Variants in PRPF18 observed in about 807,000 individuals in gnomAD.
PRPF18 encodes pre-mRNA processing factor 18.
In PRPF18, 38 loss-of-function variants were observed where a neutral mutation model predicts 46.5. The ratio of observed to expected loss-of-function variants is 0.82; its 90% confidence interval spans 0.63 to 1.07. The LOEUF (loss-of-function observed/expected upper bound fraction) is 1.07. PRPF18 is among the 50% of genes least tolerant of loss of function. PRPF18 has a pLI of 0.00. For missense variants in PRPF18, 263 were observed against 410.0 expected (o/e 0.64, Z 3.10); for synonymous variants, 152 against 146.7 (o/e 1.04, Z -0.26).
At chr10:13,587,892 A>C (rs1169931363) in intron 1 of PRPF18, among the ~76,000 whole-genome samples, 1 of 151,964 alleles carries the variant, frequency 6.6e-6, no homozygotes, top group Non-Finnish European at 1.5e-5. Flanking sequence ...GGCAACTTAC[A>C]CTCACGGCCT....
At chr10:13,599,632 G>A (rs1564452300) in intron 2 of PRPF18, among the ~76,000 whole-genome samples, 2 of 152,202 alleles carry the variant, frequency 1.3e-5, no homozygotes, top group African/African-American at 2.4e-5. Flanking sequence ...CCTGGGTGGC[G>A]TTAGTAGACA....
the PRPF18 span, chr10:13,651,581 G>GAGAATCGCTTGAACC: frequency 3.7e-6 from 1 of 269,796 alleles, no homozygotes; most frequent in African/African-American, 2.2e-5. Context: ...AGGGAGCCAG[G>GAGAATCGCTTGAACC]AGAATCGCTT....
At chr10:13,651,742 A>C in the PRPF18 span, 3 of 620,404 alleles carry the variant, frequency 4.8e-6, no homozygotes, top group African/African-American at 3.7e-5. Flanking sequence ...TGATGTAAGA[A>C]CCTTCAGCTA....
downstream of PRPF18, among the ~76,000 whole-genome samples, chr10:13,634,788 T>A (rs2080621886): frequency 6.6e-6 from 1 of 152,250 alleles, no homozygotes; most frequent in Non-Finnish European, 1.5e-5. Context: ...CTGTTGTGTT[T>A]CTTTTTAAAA....
chr10:13,654,528 G>C, the PRPF18 span: 62 of 1,534,494 alleles, frequency 4.0e-5, no homozygotes, highest in East Asian at 1.4e-3. Context: ...TGCAGGTGGT[G>C]CAAGAAAGGC....
chr10:13,591,278 A>C (rs1415691878), intron 1 of PRPF18, among the ~76,000 whole-genome samples: 3 of 152,252 alleles, frequency 2.0e-5, no homozygotes, highest in Non-Finnish European at 4.4e-5. Flanking sequence ...AGTGTCTGTC[A>C]GTAACTTACA....
At chr10:13,602,477 T>C (rs2080126208) in intron 3 of PRPF18, among the ~76,000 whole-genome samples, 1 of 151,928 alleles carries the variant, frequency 6.6e-6, no homozygotes, top group Admixed American at 6.6e-5. Flanking sequence ...AAGTTTTACA[T>C]TTTTATACGA....
At chr10:13,590,132 C>T (rs924379428) in intron 1 of PRPF18, among the ~76,000 whole-genome samples, 6 of 139,568 alleles carry the variant, frequency 4.3e-5, no homozygotes, top group Admixed American at 2.1e-4. Flanking sequence ...AAAAAAAAAA[C>T]TTTAGATTCT....
intron 9 of PRPF18, among the ~76,000 whole-genome samples, chr10:13,625,492 A>C (rs2080489121): frequency 6.6e-6 from 1 of 152,238 alleles, no homozygotes; most frequent in Non-Finnish European, 1.5e-5. Flanking sequence ...AAAGCAGGAA[A>C]GGTAAGAAAA....
chr10:13,619,504 C>T (rs527660505), intron 9 of PRPF18, among the ~76,000 whole-genome samples: 7 of 152,210 alleles, frequency 4.6e-5, no homozygotes, highest in Non-Finnish European at 1.0e-4. Flanking sequence ...CCAGAGTCCT[C>T]TCATTCTTTT....
At chr10:13,603,740 G>T (rs78990537) in intron 3 of PRPF18, among the ~76,000 whole-genome samples, 1 of 152,076 alleles carries the variant, frequency 6.6e-6, no homozygotes, top group Admixed American at 6.6e-5. Flanking sequence ...TGTACTTCTC[G>T]CAAGTTGACA....
intron 4 of PRPF18, among the ~76,000 whole-genome samples, chr10:13,609,705 G>A (rs1314578603): frequency 6.6e-6 from 1 of 152,202 alleles, no homozygotes; most frequent in Non-Finnish European, 1.5e-5. Flanking sequence ...GGACTCTAAT[G>A]GAGACCTGCC....
chr10:13,635,354 A>G (rs114002235), downstream of PRPF18, among the ~76,000 whole-genome samples: 952 of 152,286 alleles, frequency 6.3e-3, 13 homozygotes, highest in African/African-American at 0.021. Flanking sequence ...CGCAGTGAAC[A>G]TACATGTGAG....
rs946646083 is a variant in PRPF18, at chr10:13,600,267, G to C, written c.168G>C (p.Gln56His). The C allele has an allele frequency of 1.2e-6, 2 of 1,610,922 alleles. No individual in the cohort carries two copies. Among genetic ancestry groups the C allele is most frequent in the Admixed American group, 3.4e-5 (2 of 59,670 alleles). ...GYKIQPKEED[Q>H]KPLTSSNPVL... Reference sequence around the variant, plus strand: ...AGATACAGCCAAAAGAGGAGGACCAGAAACCATTAACTTCATCGAATCCAG... The same window carrying C: ...AGATACAGCCAAAAGAGGAGGACCACAAACCATTAACTTCATCGAATCCAG... Residue 56 changes from glutamine to histidine, a missense_variant, in exon 3 of 10, where the codon CAG (glutamine) becomes CAC (histidine). Physicochemically the swap from Gln to His is conservative, Grantham distance 24. This residue lies in a region of PRPF18 where 71 missense variants were observed against 69.2 expected (regional missense o/e 1.03). Coordinates refer to ENST00000378572, the MANE Select transcript of PRPF18 (RefSeq NM_003675.4).
chr10:13,623,667 T>C (rs990369073), intron 9 of PRPF18, among the ~76,000 whole-genome samples: 1 of 147,698 alleles, frequency 6.8e-6, no homozygotes, highest in African/African-American at 2.5e-5. Context: ...AAGAGGCAAA[T>C]CAAGGCAAAG....
At position 13,621,210 on chromosome 10, in the gene PRPF18, C is replaced by A. The variant is rs544980090; in HGVS notation, c.948+4657C>A. Among the ~76,000 whole-genome samples, 6 of 152,284 alleles carry A rather than the reference C, an allele frequency of 3.9e-5. No homozygotes were observed. In the South Asian group the frequency reaches 8.3e-4, roughly 21 times the overall value. ...TGAAATGCATGTCAAAGAGCTGTTG[C>A]CCTACCAGAGCTACTCTTATCCTTC... On this transcript the variant is annotated intron_variant, in intron 9 of 9. Coordinates refer to ENST00000378572, the MANE Select transcript of PRPF18 (RefSeq NM_003675.4).
intron 9 of PRPF18, among the ~76,000 whole-genome samples, chr10:13,617,260 A>T (rs1360682738): frequency 6.6e-6 from 1 of 152,244 alleles, no homozygotes; most frequent in African/African-American, 2.4e-5. Context: ...TTAAAATTTG[A>T]AGTTCACTTA....
intron 1 of PRPF18, among the ~76,000 whole-genome samples, chr10:13,589,801 G>A (rs76881537): frequency 0.013 from 2,010 of 152,274 alleles, 44 homozygotes; most frequent in African/African-American, 0.044. Flanking sequence ...CAAATTTCAT[G>A]ATCATTGAAA....
At chr10:13,591,858 T>C in intron 1 of PRPF18, 1 of 1,428,370 alleles carries the variant, frequency 7.0e-7, no homozygotes, top group South Asian at 1.1e-5. Context: ...CTCTGTGGAA[T>C]CCAGTGAGGA....
Sources: allele counts gnomAD v4.1 joint callset (sites outside exome capture counted in the v4.1 genomes callset), GRCh38; gene constraint gnomAD v4.1.1; regional missense constraint gnomAD v4.1.1; transcripts MANE v1.5; gene names NCBI Gene and HGNC (gene_info 2026-07-23, HGNC 2026-07-21).